VAMP1: variants seen among roughly 807,000 people sequenced by gnomAD.
VAMP1 encodes vesicle-associated membrane protein 1.
Under a neutral mutation model 19.1 loss-of-function variants are expected in VAMP1, and 16 were observed. The ratio of observed to expected loss-of-function variants is 0.84; its 90% CI spans 0.57 to 1.27. The LOEUF is 1.27. VAMP1 is among the 50% of genes most tolerant of loss of function. The probability of loss-of-function intolerance (pLI) is 0.00; values close to 1 mark genes in which losing one functional copy is unlikely to be tolerated. For missense variants in VAMP1, 109 were observed against 145.4 expected, an observed-to-expected ratio of 0.75 and a Z score of 1.29; for synonymous variants, 37 against 50.2, an observed-to-expected ratio of 0.74 and a Z score of 1.11.
Position 6,470,669 on chromosome 12 carries a change from G to C in VAMP1, c.-138C>G. 8.9e-7 allele frequency: 1 copy of C among 1,129,244 alleles called. No individual in the cohort carries two copies. The highest frequency in any genetic ancestry group is 1.3e-6 in the Non-Finnish European group (1 of 766,948). 70.0% of individuals were successfully genotyped at this position (1,129,244 alleles called of 1,614,324 possible). A position where few individuals can be genotyped will look rare whatever the true frequency, so the allele number is the denominator to read the frequency against. ...ACTACCCCGCGGTCTAGCTGCGCTG[G>C]AACTTACTGCAGCTGCCGCGCCGGC... On this transcript the variant is annotated 5_prime_UTR_variant, in exon 1 of 5. Coordinates refer to ENST00000396308, the MANE Select transcript of VAMP1 (RefSeq NM_014231.5).
At position 6,463,858 on chromosome 12, in the gene VAMP1, C is replaced by T; in HGVS notation, c.*612G>A. The T allele has an allele frequency of 7.9e-7, 1 of 1,258,976 alleles. No homozygotes were observed. The highest frequency in any genetic ancestry group is 1.0e-6 in the Non-Finnish European group (1 of 974,200). 78.0% of individuals were successfully genotyped at this position (1,258,976 alleles called of 1,614,324 possible). On this transcript the variant is annotated 3_prime_UTR_variant, in exon 5 of 5. Transcript: ENST00000396308. The surrounding 1 kb of genome is among the most constrained non-coding windows in gnomAD (Gnocchi z 4.0). ...AGAACAAAGTAAAGTTGTAAGATCC[C>T]CAAAGACACGGAAAATCCTGGACGA... is the stretch of plus-strand genomic sequence containing the variant.
chr12:6,463,274 G>A lies in VAMP1; in HGVS notation c.*1196C>T, dbSNP rs1274270487. ...GCGGCTCTCAAGGAGAGGGCCCCAT[G>A]ACAGCACAGCAATACACAAGCACAC... On this transcript the variant is annotated 3_prime_UTR_variant, in exon 5 of 5. Coordinates refer to ENST00000396308, the MANE Select transcript of VAMP1 (RefSeq NM_014231.5). The surrounding 1 kb of genome is among the most constrained non-coding windows in gnomAD (Gnocchi z 4.0). The A allele has an allele frequency of 6.7e-6, 9 of 1,337,228 alleles. No individual in the cohort carries two copies. Among genetic ancestry groups the A allele is most frequent in the Non-Finnish European group, 8.6e-6 (9 of 1,040,484 alleles). The allele number at this position is 1,337,228 out of a possible 1,614,324, so 82.8% of individuals were successfully genotyped here.
chr12:6,467,431 T>C (rs76910202), intron 1 of VAMP1, among the ~76,000 whole-genome samples: 6,027 of 152,224 alleles, frequency 0.04, 394 homozygotes, highest in African/African-American at 0.14. Context: ...TGTTGGGAAC[T>C]GAAGCAAAGG....
chr12:6,470,646 T>C lies in VAMP1; in HGVS notation c.-115A>G, dbSNP rs2072376. On this transcript the variant is annotated 5_prime_UTR_variant, in exon 1 of 5. Transcript: ENST00000396308. Reference sequence around the variant, plus strand: ...CTGCCAAGCTCCGCCTCGCGCCGACTACCCCGCGGTCTAGCTGCGCTGGAA... The same window carrying C: ...CTGCCAAGCTCCGCCTCGCGCCGACCACCCCGCGGTCTAGCTGCGCTGGAA... 0.41 allele frequency: 578,507 copies of C among 1,403,426 alleles called. 121,115 individuals carry two copies. Among genetic ancestry groups the C allele is most frequent in the African/African-American group, 0.5 (35,194 of 70,382 alleles). The allele number at this position is 1,403,426 out of a possible 1,614,324, so 86.9% of individuals were successfully genotyped here.
intron 3 of VAMP1, chr12:6,465,384 A>ATGTG (rs991256425): frequency 1.3e-5 from 1 of 76,186 alleles, no homozygotes; most frequent in African/African-American, 4.5e-5. Flanking sequence ...ATGTATATAT[A>ATGTG]TGTATATATA....
rs1165782804 is a variant in VAMP1 at position 6,470,645 on chromosome 12, C to G, written c.-114G>C. 1.4e-6 allele frequency: 2 copies of G among 1,448,708 alleles called. No individual in the cohort carries two copies. The highest frequency in any genetic ancestry group is 2.8e-5 in the African/African-American group (2 of 71,160). The allele number at this position is 1,448,708 out of a possible 1,614,324, so 89.7% of individuals were successfully genotyped here. ...ACTGCCAAGCTCCGCCTCGCGCCGA[C>G]TACCCCGCGGTCTAGCTGCGCTGGA... On this transcript the variant is annotated 5_prime_UTR_variant, in exon 1 of 5. Transcript: ENST00000396308.
intron 3 of VAMP1, 144 bp from the exon 4 acceptor site, chr12:6,465,085 G>T (rs1949971313): frequency 5.0e-6 from 6 of 1,192,002 alleles, no homozygotes; most frequent in Non-Finnish European, 7.0e-6. Context: ...AGGCCTCTTA[G>T]AGAGGCCCTA....
chr12:6,466,111 C>T, intron 2 of VAMP1, 111 bp from the exon 3 acceptor site: 3 of 1,609,672 alleles, frequency 1.9e-6, no homozygotes, highest in Non-Finnish European at 2.5e-6. Context: ...GGGTGCTTTG[C>T]CTCTCAGGGC....
chr12:6,465,371 T>A (rs1351134798), intron 3 of VAMP1: 6 of 113,768 alleles, frequency 5.3e-5, no homozygotes, highest in South Asian at 1.1e-4. Flanking sequence ...TATATATATA[T>A]AAATGTATAT....
In VAMP1 at chr12:6,464,462, G is replaced by A. The variant is rs769766199; in HGVS notation, c.*8C>T. On this transcript the variant is annotated 3_prime_UTR_variant, in exon 5 of 5. Coordinates refer to ENST00000396308, the MANE Select transcript of VAMP1 (RefSeq NM_014231.5). Reference sequence around the variant, plus strand: ...GGCAATGGACAACAGGGAAGGGGTGGTACATTCTCAAGTAAAAAAGTAGAC... The same window carrying A: ...GGCAATGGACAACAGGGAAGGGGTGATACATTCTCAAGTAAAAAAGTAGAC... The A allele has an allele frequency of 2.1e-5, 32 of 1,554,966 alleles. No homozygotes were observed. Among genetic ancestry groups the A allele is most frequent in the South Asian group, 3.6e-5 (3 of 83,766 alleles).
At position 6,463,928 on chromosome 12, in the gene VAMP1, AG is replaced by A. The variant is rs1021170508; in HGVS notation, c.*541del. The A allele has an allele frequency of 5.4e-6, 7 of 1,288,118 alleles. No individual in the cohort carries two copies. The African/African-American group carries it at 6.1e-5, about 11-fold the overall frequency. 79.8% of individuals were successfully genotyped at this position (1,288,118 alleles called of 1,614,324 possible). A position where few individuals can be genotyped will look rare whatever the true frequency, so the allele number is the denominator to read the frequency against. On this transcript the variant is annotated 3_prime_UTR_variant, in exon 5 of 5. Transcript: ENST00000396308. This position sits in a 1 kb window ranked among gnomAD's most constrained non-coding sequence, Gnocchi z 4.0. ...AAAAAACAAGTTTTTACTTTCGAAA[AG>A]GGTACTGCACTGAAACCAAGTTGGA... is the stretch of plus-strand genomic sequence containing the variant.
chr12:6,466,290 G>A lies in VAMP1; in HGVS notation c.64C>T (p.Pro22Ser). 1 of 1,614,200 alleles carries A rather than the reference G, an allele frequency of 6.2e-7. No individual in the cohort carries two copies. The highest frequency in any genetic ancestry group is 8.5e-7 in the Non-Finnish European group (1 of 1,180,028). The change falls in exon 2 of 5, where the codon CCT (proline) becomes TCT (serine). Residue 22 changes from proline (P) to serine (S), a missense_variant. Pro to Ser is a moderately conservative substitution (Grantham distance 74, BLOSUM62 -1). Transcript: ENST00000396308. The stretch of plus-strand genomic sequence containing the variant: ...CTGGTCATGTTAGGAGGAGGGCCAG[G>A]GGGACCCCCACCTGGGGCAGTCCCT... ...TEGTAPGGGP[P>S]GPPPNMTSNR... is the part of the protein sequence containing the mutation.
chr12:6,470,590 G>C lies in VAMP1; in HGVS notation c.-59C>G. The C allele has an allele frequency of 6.2e-7, 1 of 1,610,338 alleles. No homozygotes were observed. The highest frequency in any genetic ancestry group is 8.5e-7 in the Non-Finnish European group (1 of 1,177,210). ...TCCGGAGGCTGCGGCGAGACACCCG[G>C]TGAGGGACGCTGCGGCTGAAGTGGA... On this transcript the variant is annotated 5_prime_UTR_variant, in exon 1 of 5. Coordinates refer to ENST00000396308, the MANE Select transcript of VAMP1 (RefSeq NM_014231.5).
chr12:6,464,475 T>TA lies in VAMP1; in HGVS notation c.351dup (p.Thr118TyrfsTer132), dbSNP rs1949953987. On this transcript the variant is annotated frameshift_variant, in exon 5 of 5. Coordinates refer to ENST00000396308, the MANE Select transcript of VAMP1 (RefSeq NM_014231.5). LOFTEE classifies it high-confidence loss of function. ...AGGGAAGGGGTGGTACATTCTCAAG[T>TA]AAAAAAGTAGACTGGACACAGGAAT... The TA allele has an allele frequency of 6.5e-7, 1 of 1,540,462 alleles. No homozygotes were observed. The highest frequency in any genetic ancestry group is 1.4e-5 in the African/African-American group (1 of 72,174).
intron 1 of VAMP1, among the ~76,000 whole-genome samples, chr12:6,469,733 G>A (rs1432269623): frequency 1.3e-5 from 2 of 152,176 alleles, no homozygotes; most frequent in African/African-American, 4.8e-5. Flanking sequence ...TGACAGAGAA[G>A]TACTTCGTTT....
chr12:6,464,421 G>A lies in VAMP1; in HGVS notation c.*49C>T. On this transcript the variant is annotated 3_prime_UTR_variant, in exon 5 of 5. Transcript: ENST00000396308. ...GTTGAGAGAGCAAACAGAGGGCAGA[G>A]GACATGAATGTGGATGGCAATGGAC... is the stretch of plus-strand genomic sequence containing the variant. 6.4e-7 allele frequency: 1 copy of A among 1,562,362 alleles called. No homozygotes were observed.
rs769180311 is a variant in VAMP1 at position 6,470,563 on chromosome 12, TCTCCGGAGG to T, written c.-41_-33del. The T allele has an allele frequency of 8.1e-6, 13 of 1,613,816 alleles. No individual in the cohort carries two copies. In the African/African-American group the frequency reaches 1.7e-4, roughly 22 times the overall value. On this transcript the variant is annotated 5_prime_UTR_variant, in exon 1 of 5. Coordinates refer to ENST00000396308, the MANE Select transcript of VAMP1 (RefSeq NM_014231.5). The stretch of plus-strand genomic sequence containing the variant: ...GACAGAGAGAGTGAGGGTCTGTTCC[TCTCCGGAGG>T]CTGCGGCGAGACACCCGGTGAGGGA...
At chr12:6,467,871 G>A (rs1157101982) in intron 1 of VAMP1, among the ~76,000 whole-genome samples, 1 of 152,252 alleles carries the variant, frequency 6.6e-6, no homozygotes, top group Admixed American at 6.5e-5. Flanking sequence ...GAGGGTGGAA[G>A]CCCCAAGCCT....
chr12:6,466,601 G>T, intron 1 of VAMP1: 1 of 325,908 alleles, frequency 3.1e-6, no homozygotes, highest in South Asian at 4.3e-5. Context: ...TACAAAACTA[G>T]AATGGATTCT....
Sources: allele counts gnomAD v4.1 joint callset (sites outside exome capture counted in the v4.1 genomes callset), GRCh38; gene constraint gnomAD v4.1.1; non-coding constraint Gnocchi (gnomAD v3.1); transcripts MANE v1.5; gene names NCBI Gene and HGNC (gene_info 2026-07-23, HGNC 2026-07-21).